TNC: variants seen among roughly 807,000 people sequenced by gnomAD.
TNC encodes the protein tenascin C.
A neutral mutation model predicts 202.4 loss-of-function variants in TNC; 109 were observed. The ratio of observed to expected loss-of-function variants is 0.54; its 90% CI spans 0.46 to 0.63. The LOEUF is 0.63. TNC is among the 30% of genes least tolerant of loss of function. The pLI is 0.00. For missense variants in TNC, 2,756 were observed against 2,833.3 expected (o/e 0.97, Z 0.62); for synonymous variants, 1,007 against 1,089.7 (o/e 0.92, Z 1.50).
intron 22 of TNC, among the ~76,000 whole-genome samples, chr9:115,033,259 T>G (rs1235553673): frequency 6.6e-6 from 1 of 152,182 alleles, no homozygotes; most frequent in African/African-American, 2.4e-5. Context: ...TGAATGGACA[T>G]GCAGAAAAGT....
intron 1 of TNC, among the ~76,000 whole-genome samples, chr9:115,112,322 C>T (rs1461148896): frequency 6.6e-6 from 1 of 152,110 alleles, no homozygotes; most frequent in Non-Finnish European, 1.5e-5. Context: ...CTAACCTAGG[C>T]CAGCAATTTA....
intron 10 of TNC, among the ~76,000 whole-genome samples, chr9:115,065,563 A>G (rs17241477): frequency 0.078 from 11,799 of 152,164 alleles, 631 homozygotes; most frequent in Middle Eastern, 0.19. Flanking sequence ...TTGCATCATA[A>G]TGGGGTGGCC....
Position 115,091,045 on chromosome 9 carries a change from G to GCTGGGGCT in TNC, c.-35_-28dup, listed in dbSNP as rs1835194910. 4 of 1,591,698 alleles carry GCTGGGGCT rather than the reference G, an allele frequency of 2.5e-6. No individual in the cohort carries two copies. The East Asian group carries it at 8.9e-5, about 36-fold the overall frequency. On this transcript the variant is annotated 5_prime_UTR_variant, in exon 2 of 28. Coordinates refer to ENST00000350763, the MANE Select transcript of TNC (RefSeq NM_002160.4). ...GTGGAGGTGGGTTTGGCTGGGTGCT[G>GCTGGGGCT]CTGGGGCTCTAGGGCTCTAGGGTAT...
Position 115,024,135 on chromosome 9 carries a change from A to C in TNC, c.6333T>G (p.Gly2111=), listed in dbSNP as rs1367767833. 2.2e-5 allele frequency: 36 copies of C among 1,612,130 alleles called. No individual in the cohort carries two copies. Among genetic ancestry groups the C allele is most frequent in the Non-Finnish European group, 3.1e-5 (36 of 1,178,486 alleles). ...LKVEGYSGTA[G]DSMAYHNGRS... Reference sequence around the variant, plus strand: ...TGCCATTGTGGTAGGCCATGGAGTCACCTGGGAGAGACAGAAAATATGGAC... The same window carrying C: ...TGCCATTGTGGTAGGCCATGGAGTCCCCTGGGAGAGACAGAAAATATGGAC... Residue 2111 remains glycine (G), a splice_region_variant and synonymous_variant, in exon 27 of 28, where the codon GGT becomes GGG. Coordinates refer to ENST00000350763, the MANE Select transcript of TNC (RefSeq NM_002160.4).
chr9:115,059,628 T>C, intron 14 of TNC, 102 bp downstream of exon 14: 1 of 1,277,452 alleles, frequency 7.8e-7, no homozygotes, highest in East Asian at 2.3e-5. Context: ...GAAAGGCACA[T>C]GAAAAGGATT....
intron 6 of TNC, among the ~76,000 whole-genome samples, chr9:115,079,601 C>G (rs1834146002): frequency 6.6e-6 from 1 of 152,186 alleles, no homozygotes. Context: ...ACTAACAATG[C>G]TCTGTATTTA....
At position 115,091,058 on chromosome 9, in the gene TNC, G is replaced by A. The variant is rs775987244; in HGVS notation, c.-40C>T. ...TGGCTGGGTGCTGCTGGGGCTCTAG[G>A]GCTCTAGGGTATCTCACTTTCAGCA... On this transcript the variant is annotated 5_prime_UTR_variant, in exon 2 of 28. Transcript: ENST00000350763. The A allele has an allele frequency of 1.9e-6, 3 of 1,542,578 alleles. No individual in the cohort carries two copies. Among genetic ancestry groups the A allele is most frequent in the Non-Finnish European group, 2.7e-6 (3 of 1,130,122 alleles).
chr9:115,082,046 A>G, intron 5 of TNC, 118 bp from the exon 6 acceptor site: 1 of 935,870 alleles, frequency 1.1e-6, no homozygotes, highest in South Asian at 1.8e-5. Context: ...TTCATTAGGC[A>G]CTTACTATGC....
chr9:115,087,340 G>A (rs1834847705), intron 2 of TNC, 67 bp from the exon 3 acceptor site: 2 of 1,522,504 alleles, frequency 1.3e-6, no homozygotes, highest in African/African-American at 1.4e-5. Context: ...ATCTACCCAG[G>A]GCACCCAGAT....
intron 2 of TNC, among the ~76,000 whole-genome samples, chr9:115,088,307 T>A (rs1186737648): frequency 1.3e-5 from 2 of 152,236 alleles, no homozygotes; most frequent in Admixed American, 1.3e-4. Context: ...GTATGTGGGT[T>A]TATATAACCA....
In TNC at chr9:115,064,240, G is replaced by A. The variant is rs536802015; in HGVS notation, c.3488-172C>T. 2.0e-5 allele frequency among the ~76,000 whole-genome samples: 3 copies of A among 152,316 alleles called. No homozygotes were observed. The East Asian group carries it at 5.8e-4, about 29-fold the overall frequency. On this transcript the variant is annotated intron_variant, in intron 11 of 27. Coordinates refer to ENST00000350763, the MANE Select transcript of TNC (RefSeq NM_002160.4). ...TTAGAAATGGAGCAAAGAGAGGAAA[G>A]TGCAGGAAAATATTTGTTTTTGTTT...
chr9:115,086,321 G>A lies in TNC; in HGVS notation c.1410C>T (p.Cys470=), dbSNP rs770937733. The part of the protein sequence containing the change: ...FKGYDCSDMS[C]PNDCHQHGRC... ...GGCCGTGCTGGTGACAGTCATTAGG[G>A]CAGCTCATGTCACTGCAGTCATAGC... The change falls in exon 3 of 28, where the codon TGC becomes TGT. Residue 470 remains cysteine (C), a synonymous_variant. Coordinates refer to ENST00000350763, the MANE Select transcript of TNC (RefSeq NM_002160.4). 6.2e-7 allele frequency: 1 copy of A among 1,614,062 alleles called. No homozygotes were observed. The highest frequency in any genetic ancestry group is 8.5e-7 in the Non-Finnish European group (1 of 1,180,012).
intron 9 of TNC, among the ~76,000 whole-genome samples, chr9:115,074,243 A>G (rs1833679434): frequency 6.6e-6 from 1 of 152,230 alleles, no homozygotes; most frequent in South Asian, 2.1e-4. Context: ...CTGTATTGCT[A>G]TGCACTGAAT....
intron 1 of TNC, among the ~76,000 whole-genome samples, chr9:115,095,328 AC>A (rs1226104864): frequency 6.6e-6 from 1 of 151,650 alleles, no homozygotes; most frequent in Non-Finnish European, 1.5e-5. Context: ...CTTTCTCCTA[AC>A]CTTTGAAACC....
At chr9:115,068,181 C>T (rs1018094057) in intron 10 of TNC, among the ~76,000 whole-genome samples, 2 of 152,152 alleles carry the variant, frequency 1.3e-5, no homozygotes, top group African/African-American at 4.8e-5. Context: ...CAAGTGTTTC[C>T]ATTATAGATT....
intron 11 of TNC, 95 bp from the exon 12 acceptor site, chr9:115,064,163 G>A: frequency 7.8e-7 from 1 of 1,281,826 alleles, no homozygotes; most frequent in Non-Finnish European, 1.1e-6. Context: ...TAATATTACT[G>A]AAAAAATGTG....
intron 16 of TNC, 80 bp from the exon 17 acceptor site, chr9:115,046,762 G>T: frequency 6.6e-6 from 10 of 1,513,918 alleles, no homozygotes; most frequent in Non-Finnish European, 9.0e-6. Flanking sequence ...TCCAGTAGGG[G>T]TATCAATATG....
Position 115,113,353 on chromosome 9 carries a change from G to A in TNC, c.-137+4629C>T, listed in dbSNP as rs924375949. On this transcript the variant is annotated intron_variant, in intron 1 of 27. Transcript: ENST00000350763. ...ATGGTATTGGGTAAGCTACTTAAAC[G>A]TTTTCAGCCTTACATTGTGCATATT... is the stretch of plus-strand genomic sequence containing the variant. Among the ~76,000 whole-genome samples, 2 of 152,170 alleles carry A rather than the reference G, an allele frequency of 1.3e-5. 1 individual carries two copies. Among genetic ancestry groups the A allele is most frequent in the South Asian group, 4.1e-4 (2 of 4,834 alleles).
Position 115,036,213 on chromosome 9 carries a change from C to G in TNC, c.5541G>C (p.Gly1847=), listed in dbSNP as rs1329360168. The part of the protein sequence containing the change: ...KVPEITRTVS[G]NTVEYALTDL... ...CGGTCAGAGCATACTCCACTGTGTT[C>G]CCGGACACCGTGCGTGTAATTTCTG... The change falls in exon 21 of 28, where the codon GGG becomes GGC. Residue 1847 remains glycine, a synonymous_variant. Transcript: ENST00000350763. 1 of 1,614,114 alleles carries G rather than the reference C, an allele frequency of 6.2e-7. No individual in the cohort carries two copies. Among genetic ancestry groups the G allele is most frequent in the South Asian group, 1.1e-5 (1 of 91,064 alleles).
Sources: allele counts gnomAD v4.1 joint callset (sites outside exome capture counted in the v4.1 genomes callset), GRCh38; gene constraint gnomAD v4.1.1; transcripts MANE v1.5; gene names NCBI Gene and HGNC (gene_info 2026-07-23, HGNC 2026-07-21).